Variants in ERI3 observed in about 807,000 individuals in gnomAD.
ERI3 encodes the protein ERI1 exoribonuclease 3.
Under a neutral mutation model 44.4 loss-of-function variants are expected in ERI3, and 18 were observed. The observed-to-expected ratio is 0.41, with a 90% CI of 0.28 to 0.60. ERI3 has a LOEUF of 0.60. Ranked by LOEUF, ERI3 falls within the 20% of genes least tolerant of loss-of-function variation. The pLI is 0.36. For synonymous variants in ERI3, 183 were observed against 164.8 expected (o/e 1.11, Z -0.84); for missense variants, 294 against 435.5 (o/e 0.68, Z 2.89).
rs1300138484 is a variant in ERI3, at chr1:44,264,235, G to C, written c.832-16197C>G. ...GAAAAGGCATTTGGATTGAGAGAGA[G>C]GGGGAGATAAAAGTGATTGAATCTC... On this transcript the variant is annotated intron_variant, in intron 7 of 8. Transcript: ENST00000372257. Among the ~76,000 whole-genome samples the C allele has an allele frequency of 3.3e-5, 5 of 152,196 alleles. No homozygotes were observed. In the East Asian group the frequency reaches 7.7e-4, roughly 23 times the overall value.
chr1:44,339,510 A>G (rs1469461847), intron 2 of ERI3, among the ~76,000 whole-genome samples, 188 bp from the exon 3 acceptor site: 2 of 152,080 alleles, frequency 1.3e-5, no homozygotes, highest in East Asian at 1.9e-4. Context: ...ATTCGTTACT[A>G]AAGTTCAAGA....
chr1:44,286,218 T>C (rs1476303710), intron 6 of ERI3, among the ~76,000 whole-genome samples: 1 of 152,230 alleles, frequency 6.6e-6, no homozygotes, highest in Non-Finnish European at 1.5e-5. Flanking sequence ...ACCTGTAGCA[T>C]ACCCACTTTC....
At chr1:44,304,059 G>A (rs1572229738) in intron 6 of ERI3, among the ~76,000 whole-genome samples, 1 of 152,280 alleles carries the variant, frequency 6.6e-6, no homozygotes, top group East Asian at 1.9e-4. Flanking sequence ...AGTAGGTGGT[G>A]CCAGTCATTA....
intron 3 of ERI3, among the ~76,000 whole-genome samples, chr1:44,320,009 G>A (rs1646166667): frequency 6.6e-6 from 1 of 152,156 alleles, no homozygotes; most frequent in Admixed American, 6.5e-5. Context: ...GGAAGACAGT[G>A]GTATCATCTG....
At chr1:44,332,957 T>A (rs547938695) in intron 3 of ERI3, among the ~76,000 whole-genome samples, 9 of 152,310 alleles carry the variant, frequency 5.9e-5, no homozygotes, top group African/African-American at 2.2e-4. Flanking sequence ...ATAGTGACCC[T>A]GAAAGAAGAG....
At chr1:44,313,815 T>C (rs1646024553) in intron 4 of ERI3, among the ~76,000 whole-genome samples, 2 of 152,052 alleles carry the variant, frequency 1.3e-5, no homozygotes, top group Non-Finnish European at 2.9e-5. Context: ...CAATATGAAC[T>C]AGCCAAGCAA....
chr1:44,325,075 CTTTT>C (rs3054114), intron 3 of ERI3, among the ~76,000 whole-genome samples: 10 of 93,910 alleles, frequency 1.1e-4, no homozygotes, highest in Admixed American at 2.2e-4. Flanking sequence ...TTAAACACAG[CTTTT>C]TTTTTTTTTT....
At chr1:44,300,462 A>C (rs1482950212) in intron 6 of ERI3, among the ~76,000 whole-genome samples, 2 of 152,186 alleles carry the variant, frequency 1.3e-5, no homozygotes, top group African/African-American at 2.4e-5. Context: ...CTTCTCTCCC[A>C]GTCCCCATTG....
intron 2 of ERI3, among the ~76,000 whole-genome samples, chr1:44,351,554 G>A (rs1388743020): frequency 6.6e-6 from 1 of 152,172 alleles, no homozygotes; most frequent in Non-Finnish European, 1.5e-5. Context: ...GCAGAGTTTA[G>A]TAGAGTTGAG....
At chr1:44,266,331 G>C (rs1196196036) in intron 7 of ERI3, among the ~76,000 whole-genome samples, 1 of 152,190 alleles carries the variant, frequency 6.6e-6, no homozygotes, top group Admixed American at 6.5e-5. Context: ...AGTGAATAAG[G>C]CTTGGAAGTA....
chr1:44,310,966 CACACACACA>C (rs1478472837), intron 5 of ERI3, among the ~76,000 whole-genome samples: 3 of 13,970 alleles, frequency 2.1e-4, no homozygotes, highest in Non-Finnish European at 4.7e-4. Context: ...CGCGCGCGCA[CACACACACA>C]CACACACACA....
rs375794880 is a variant in ERI3, at chr1:44,317,248, G to A, written c.606+2380C>T. Reference sequence around the variant, plus strand: ...AAGTATAATCTGGAGGTTTGGGACTGTTCCTCACACTTACTAATGAGAGAT... The same window carrying A: ...AAGTATAATCTGGAGGTTTGGGACTATTCCTCACACTTACTAATGAGAGAT... On this transcript the variant is annotated intron_variant, in intron 4 of 8. Coordinates refer to ENST00000372257, the MANE Select transcript of ERI3 (RefSeq NM_024066.3). Among the ~76,000 whole-genome samples, 18 of 152,302 alleles carry A rather than the reference G, an allele frequency of 1.2e-4. 1 individual carries two copies. The South Asian group carries it at 3.7e-3, about 32-fold the overall frequency.
At chr1:44,325,251 A>AT (rs1439276996) in intron 3 of ERI3, among the ~76,000 whole-genome samples, 5 of 151,680 alleles carry the variant, frequency 3.3e-5, no homozygotes, top group Admixed American at 1.3e-4. Flanking sequence ...CTATTTTTGT[A>AT]TTTTTAGTAG....
At chr1:44,260,212 G>A (rs1644866375) in intron 7 of ERI3, among the ~76,000 whole-genome samples, 1 of 152,170 alleles carries the variant, frequency 6.6e-6, no homozygotes, top group East Asian at 1.9e-4. Context: ...AACCAGTAAT[G>A]GCCCATAACT....
At chr1:44,293,220 G>C (rs1645544174) in intron 6 of ERI3, among the ~76,000 whole-genome samples, 1 of 152,240 alleles carries the variant, frequency 6.6e-6, no homozygotes, top group Non-Finnish European at 1.5e-5. Context: ...AAAGGGGTGG[G>C]GCAAGCCCCG....
At position 44,317,144 on chromosome 1, in the gene ERI3, G is replaced by GCGCACACA. The variant is rs138612547; in HGVS notation, c.606+2483_606+2484insTGTGTGCG. 6.8e-4 allele frequency among the ~76,000 whole-genome samples: 103 copies of GCGCACACA among 151,124 alleles called. 1 individual carries two copies. Among genetic ancestry groups the GCGCACACA allele is most frequent in the East Asian group, 4.5e-3 (23 of 5,126 alleles). ...GTGCACATGTCATACGCATGTGCGT[G>GCGCACACA]CACACACACACACACACACACACTG... On this transcript the variant is annotated intron_variant, in intron 4 of 8. Coordinates refer to ENST00000372257, the MANE Select transcript of ERI3 (RefSeq NM_024066.3).
chr1:44,293,485 TC>T (rs1645549828), intron 6 of ERI3, among the ~76,000 whole-genome samples: 1 of 152,188 alleles, frequency 6.6e-6, no homozygotes, highest in African/African-American at 2.4e-5. Flanking sequence ...CAACTTCAGC[TC>T]ACTCACTTCA....
chr1:44,229,974 T>C (rs577023211), intron 8 of ERI3, among the ~76,000 whole-genome samples: 3 of 152,238 alleles, frequency 2.0e-5, no homozygotes, highest in African/African-American at 7.2e-5. Context: ...CCCAGCCCCA[T>C]GGACCACTCA....
chr1:44,330,833 G>A (rs1262568812), intron 3 of ERI3, among the ~76,000 whole-genome samples: 1 of 152,170 alleles, frequency 6.6e-6, no homozygotes, highest in Non-Finnish European at 1.5e-5. Flanking sequence ...TAATCAAAAT[G>A]ATGCAAGATC....
Sources: gnomAD v4.1 joint callset for allele counts (sites outside exome capture counted in the v4.1 genomes callset) on GRCh38, gnomAD v4.1.1 for gene constraint, MANE v1.5 for transcripts, NCBI Gene and HGNC (gene_info 2026-07-23, HGNC 2026-07-21) for gene names.